Variants in CFAP74 observed in about 807,000 individuals in gnomAD.
The protein encoded by CFAP74 is cilia and flagella associated protein 74, also known as cilia- and flagella-associated protein 74.
A neutral mutation model predicts 188.9 loss-of-function variants in CFAP74; 124 were observed. The observed-to-expected ratio is 0.66, with a 90% confidence interval of 0.57 to 0.76. CFAP74 has a LOEUF of 0.76. Ranked by LOEUF, CFAP74 falls within the 30% of genes least tolerant of loss-of-function variation. The probability of loss-of-function intolerance (pLI) is 0.00; values close to 1 mark genes in which losing one functional copy is unlikely to be tolerated. For missense variants in CFAP74, 2,198 were observed against 2,165.2 expected (o/e 1.02, Z -0.30); for synonymous variants, 956 against 916.7 (o/e 1.04, Z -0.77).
intron 12 of CFAP74, 144 bp downstream of exon 12, chr1:1,966,227 A>G (rs1570932636): frequency 2.8e-6 from 2 of 726,428 alleles, no homozygotes; most frequent in East Asian, 3.1e-5. Flanking sequence ...GTCCACACAC[A>G]GGAGAGGGTG....
In CFAP74 at chr1:1,927,685, C is replaced by G. The variant is rs573626470; in HGVS notation, c.3449G>C (p.Arg1150Pro). 4.5e-6 allele frequency: 7 copies of G among 1,550,038 alleles called. No homozygotes were observed. Among genetic ancestry groups the G allele is most frequent in the Non-Finnish European group, 5.2e-6 (6 of 1,146,872 alleles). ...DLHGLSFSVL[R>P]AQNRDKLFKV... ...GAACAGCTTGTCGCGGTTCTGTGCTCGAAGAACGGAGAATGACAGTCCATG... is the reference window on the plus strand; with the variant it reads ...GAACAGCTTGTCGCGGTTCTGTGCTGGAAGAACGGAGAATGACAGTCCATG... Residue 1150 changes from arginine (R) to proline (P), a missense_variant, in exon 28 of 39, where the codon CGA (arginine) becomes CCA (proline). Physicochemically the swap from Arg to Pro is moderately radical, Grantham distance 103. Transcript: ENST00000682832.
Position 1,927,010 on chromosome 1 carries a change from G to A in CFAP74, c.3546C>T (p.Ala1182=), listed in dbSNP as rs542778394. The A allele has an allele frequency of 7.7e-6, 12 of 1,550,184 alleles. No individual in the cohort carries two copies. The African/African-American group carries it at 9.6e-5, about 12-fold the overall frequency. The part of the protein sequence containing the change: ...ELRPSSDEYQ[A]ARATLLRAFQ... ...ACGCTCTGAGCAGGGTGGCTCGGGCGGCCTGGTACTCGTCGGAACTAGAAG... is the reference window on the plus strand; with the variant it reads ...ACGCTCTGAGCAGGGTGGCTCGGGCAGCCTGGTACTCGTCGGAACTAGAAG... The change falls in exon 29 of 39, where the codon GCC becomes GCT. Residue 1182 remains alanine (A), a synonymous_variant. Coordinates refer to ENST00000682832, the MANE Select transcript of CFAP74 (RefSeq NM_001304360.2).
chr1:1,928,144 G>A (rs1056396306), intron 27 of CFAP74, among the ~76,000 whole-genome samples: 4 of 151,596 alleles, frequency 2.6e-5, no homozygotes, highest in African/African-American at 9.7e-5. Context: ...GCCGGGAAGG[G>A]CAAACCCTTG....
chr1:1,941,970 C>A lies in CFAP74; in HGVS notation c.2615+58G>T, dbSNP rs1015232004. 3.5e-6 allele frequency: 5 copies of A among 1,413,754 alleles called. No individual in the cohort carries two copies. In the African/African-American group the frequency reaches 4.3e-5, roughly 12 times the overall value. 87.6% of individuals were successfully genotyped at this position (1,413,754 alleles called of 1,614,324 possible). A position where few individuals can be genotyped will look rare whatever the true frequency, so the allele number is the denominator to read the frequency against. On this transcript the variant is annotated intron_variant, in intron 22 of 38. Transcript: ENST00000682832. ...AGGAGTGGCCAGTGGCGAGGAGCGC[C>A]TCGGAGCCCACAACCTCCCACGTCC...
In CFAP74 at chr1:1,922,186, G is replaced by A. The variant is rs1382040230; in HGVS notation, c.*101C>T. 1.4e-5 allele frequency: 11 copies of A among 804,930 alleles called. No homozygotes were observed. Among genetic ancestry groups the A allele is most frequent in the African/African-American group, 7.2e-5 (4 of 55,708 alleles). 49.9% of individuals were successfully genotyped at this position (804,930 alleles called of 1,614,324 possible). On this transcript the variant is annotated 3_prime_UTR_variant, in exon 39 of 39. Transcript: ENST00000682832. ...GGCGGCCTATTGGAATCTGGCAGAGGATGGCCAGGTCCCAGGCTCTAGGGT... is the reference window on the plus strand; with the variant it reads ...GGCGGCCTATTGGAATCTGGCAGAGAATGGCCAGGTCCCAGGCTCTAGGGT...
At position 1,923,823 on chromosome 1, in the gene CFAP74, G is replaced by A. The variant is rs1355620150; in HGVS notation, c.4341C>T (p.His1447=). 11 of 1,613,496 alleles carry A rather than the reference G, an allele frequency of 6.8e-6. No homozygotes were observed. The highest frequency in any genetic ancestry group is 1.7e-5 in the Admixed American group (1 of 60,004). The change falls in exon 35 of 39, where the codon CAC becomes CAT. Residue 1447 remains histidine, a synonymous_variant. Transcript: ENST00000682832. The surrounding 1 kb of genome is among the most constrained non-coding windows in gnomAD (Gnocchi z 6.3). ...GCTTGTCGGAGAAGTAGAGGCTTTCGTGGTCGGGGCTGAAGGTGACAGTGA... is the reference window on the plus strand; with the variant it reads ...GCTTGTCGGAGAAGTAGAGGCTTTCATGGTCGGGGCTGAAGGTGACAGTGA... ...QDFTVTFSPD[H]ESLYFSDKLQ... is the part of the protein sequence containing the mutation.
At chr1:1,934,050 C>G (rs1221609822) in intron 25 of CFAP74, among the ~76,000 whole-genome samples, 1 of 152,312 alleles carries the variant, frequency 6.6e-6, no homozygotes, top group East Asian at 1.9e-4. Context: ...AAGCAAAATC[C>G]AGACCAGCAG....
intron 18 of CFAP74, 182 bp downstream of exon 18, chr1:1,955,506 TCCA>T (rs1338154920): frequency 1.9e-6 from 3 of 1,606,168 alleles, no homozygotes; most frequent in Middle Eastern, 1.7e-4. Context: ...TACATTTTCG[TCCA>T]CTCCAAAAAC....
intron 18 of CFAP74, among the ~76,000 whole-genome samples, chr1:1,952,064 G>A (rs2748977): frequency 0.39 from 59,374 of 152,044 alleles, 13,866 homozygotes; most frequent in Admixed American, 0.52. Context: ...AGATTCTCCT[G>A]TCTCAGCCTC....
chr1:1,930,190 G>A lies in CFAP74; in HGVS notation c.3158C>T (p.Pro1053Leu), dbSNP rs559350333. Reference protein sequence around the residue: ...VINSHLSMSSPTHSKPRIGSE... With the variant: ...VINSHLSMSSLTHSKPRIGSE... ...GCCAATGCGGGGCTTGGAGTGGGTC[G>A]GTGAGCTCATGCTCAGGTGAGAGTT... is the stretch of plus-strand genomic sequence containing the variant. Residue 1053 changes from proline (P) to leucine (L), a missense_variant, in exon 26 of 39, where the codon CCG (proline) becomes CTG (leucine). Transcript: ENST00000682832. 7.2e-5 allele frequency: 111 copies of A among 1,535,702 alleles called. No individual in the cohort carries two copies. The highest frequency in any genetic ancestry group is 4.8e-4 in the South Asian group (40 of 84,064).
At position 1,924,517 on chromosome 1, in the gene CFAP74, G is replaced by A. The variant is rs762384873; in HGVS notation, c.4108C>T (p.Gln1370Ter). 1.6e-5 allele frequency: 26 copies of A among 1,604,538 alleles called. No individual in the cohort carries two copies. The highest frequency in any genetic ancestry group is 2.0e-5 in the Non-Finnish European group (24 of 1,176,510). Residue 1370 changes from glutamine (Q) to a stop codon, truncating the protein, a stop_gained, in exon 34 of 39, where the codon CAG (glutamine) becomes TAG (stop). Coordinates refer to ENST00000682832, the MANE Select transcript of CFAP74 (RefSeq NM_001304360.2). LOFTEE classifies it high-confidence loss of function. ...GESVSSGFKL[Q>*]NNSLLPIKFS... ...TTGATGGGGAGCAGAGAGTTGTTCT[G>A]CAGCTGCAGAGAGCAGGCCGCGGTC... is the stretch of plus-strand genomic sequence containing the variant.
intron 4 of CFAP74, among the ~76,000 whole-genome samples, 161 bp downstream of exon 4, chr1:1,988,351 C>T (rs956260509): frequency 4.6e-5 from 7 of 152,148 alleles, no homozygotes; most frequent in African/African-American, 1.2e-4. Flanking sequence ...CACTAGCTCC[C>T]GGGTGGGGCT....
At chr1:1,969,912 C>T (rs1325466038) in intron 10 of CFAP74, among the ~76,000 whole-genome samples, 2 of 152,216 alleles carry the variant, frequency 1.3e-5, no homozygotes, top group East Asian at 3.9e-4. Context: ...AAGGGCCAGG[C>T]TCCCGGGATG....
At position 1,995,095 on chromosome 1, in the gene CFAP74, G is replaced by A. The variant is rs538151899; in HGVS notation, c.-19-4120C>T. Among the ~76,000 whole-genome samples the A allele has an allele frequency of 2.4e-4, 37 of 152,310 alleles. 1 individual carries two copies. The highest frequency in any genetic ancestry group is 2.0e-3 in the Admixed American group (31 of 15,298). On this transcript the variant is annotated intron_variant, in intron 1 of 38. Transcript: ENST00000682832. ...ACTGAGAGACCCAGGAAAGCGTGCTGAAGAAGCAGTGGAAGTTCCACTGTG... is the reference window on the plus strand; with the variant it reads ...ACTGAGAGACCCAGGAAAGCGTGCTAAAGAAGCAGTGGAAGTTCCACTGTG...
At position 1,923,041 on chromosome 1, in the gene CFAP74, C is replaced by T. The variant is rs1570803622; in HGVS notation, c.4627G>A (p.Ala1543Thr). ...QFDTDTPAPP[A>T]TRELQVGCIR... ...CAGCCCACCTGCAGCTCTCGGGTGG[C>T]AGGTGGGGCTGGCGTGTCTGTGTCA... The change falls in exon 37 of 39, where the codon GCC becomes ACC. Residue 1543 changes from alanine to threonine, a missense_variant. Physicochemically the swap from Ala to Thr is moderately conservative, Grantham distance 58. Transcript: ENST00000682832. This position sits in a 1 kb window ranked among gnomAD's most constrained non-coding sequence, Gnocchi z 6.3. The T allele has an allele frequency of 4.4e-6, 7 of 1,606,390 alleles. No homozygotes were observed. Among genetic ancestry groups the T allele is most frequent in the Non-Finnish European group, 5.1e-6 (6 of 1,178,018 alleles).
rs1010232186 is a variant in CFAP74, at chr1:1,968,764, C to T, written c.1116G>A (p.Glu372=). 11 of 1,614,138 alleles carry T rather than the reference C, an allele frequency of 6.8e-6. No individual in the cohort carries two copies. The Middle Eastern group carries it at 6.6e-4, about 97-fold the overall frequency. Residue 372 remains glutamate, a synonymous_variant, in exon 11 of 39, where the codon GAG becomes GAA. Transcript: ENST00000682832. The surrounding 1 kb of genome is among the most constrained non-coding windows in gnomAD (Gnocchi z 4.3). ...IISRILKEEA[E]EEKRKKQHPP... ...GATGCTGTTTCTTCCTCTTTTCCTC[C>T]TCAGCCTCCTCTTTCAGAATCCGAC... is the stretch of plus-strand genomic sequence containing the variant.
intron 1 of CFAP74, among the ~76,000 whole-genome samples, chr1:2,003,068 G>A (rs904477365): frequency 2.0e-5 from 3 of 152,150 alleles, no homozygotes; most frequent in Non-Finnish European, 4.4e-5. Context: ...TGGCATGGGG[G>A]AGAGACTTTG....
rs969920087 is a variant in CFAP74 at position 1,926,359 on chromosome 1, C to G, written c.3829-12G>C. 1.3e-6 allele frequency: 2 copies of G among 1,548,834 alleles called. No homozygotes were observed. The highest frequency in any genetic ancestry group is 1.7e-6 in the Non-Finnish European group (2 of 1,146,206). ...AGGGAGAAGTCCAGCTGAGGGTCCA[C>G]GTCAAGGAGGGGATACAGGTGTCTG... On this transcript the variant is annotated splice_polypyrimidine_tract_variant and intron_variant, in intron 31 of 38. Transcript: ENST00000682832.
In CFAP74 at chr1:1,922,738, G is replaced by T; in HGVS notation, c.4684-15C>A. The T allele has an allele frequency of 6.3e-7, 1 of 1,598,326 alleles. No homozygotes were observed. The highest frequency in any genetic ancestry group is 8.5e-7 in the Non-Finnish European group (1 of 1,173,588). On this transcript the variant is annotated splice_polypyrimidine_tract_variant and intron_variant, in intron 37 of 38. Coordinates refer to ENST00000682832, the MANE Select transcript of CFAP74 (RefSeq NM_001304360.2). ...AACTCAACGGTCTGTGGGGTATGGG[G>T]CTCCTGTAGGCTGGCGACCAGGCAC... is the stretch of plus-strand genomic sequence containing the variant.
Sources: gnomAD v4.1 joint callset for allele counts (sites outside exome capture counted in the v4.1 genomes callset) on GRCh38, gnomAD v4.1.1 for gene constraint, Gnocchi (gnomAD v3.1) non-coding constraint, MANE v1.5 for transcripts, NCBI Gene and HGNC (gene_info 2026-07-23, HGNC 2026-07-21) for gene names.